JAZF1: variants seen among roughly 807,000 people sequenced by gnomAD.
JAZF1 encodes the protein juxtaposed with another zinc finger protein 1.
Under a neutral mutation model 26.4 loss-of-function variants are expected in JAZF1, and 8 were observed. That is an observed-to-expected ratio of 0.30 (90% CI 0.18 to 0.55). The LOEUF (loss-of-function observed/expected upper bound fraction) is 0.55. Among genes scored for constraint, JAZF1 ranks in the 20% least tolerant of loss-of-function variants. The pLI is 0.94. For synonymous variants in JAZF1, 126 were observed against 122.3 expected, an observed-to-expected ratio of 1.03 and a Z score of -0.20; for missense variants, 199 against 322.0, an observed-to-expected ratio of 0.62 and a Z score of 2.92.
At chr7:27,856,642 G>A (rs1325184501) in intron 3 of JAZF1, among the ~76,000 whole-genome samples, 1 of 152,180 alleles carries the variant, frequency 6.6e-6, no homozygotes, top group Non-Finnish European at 1.5e-5. Context: ...AGTTCTCCAT[G>A]TCCCCACCAG....
At chr7:27,948,797 T>C (rs1784960153) in intron 2 of JAZF1, among the ~76,000 whole-genome samples, 1 of 152,212 alleles carries the variant, frequency 6.6e-6, no homozygotes, top group Admixed American at 6.5e-5. Context: ...GGATGTAAAA[T>C]ACCATACTTG....
At chr7:28,116,599 C>T (rs992352902) in intron 1 of JAZF1, among the ~76,000 whole-genome samples, 6 of 148,672 alleles carry the variant, frequency 4.0e-5, no homozygotes, top group South Asian at 2.2e-4. Context: ...CGTGCCACTA[C>T]GCCCGGCTAA....
intron 3 of JAZF1, among the ~76,000 whole-genome samples, chr7:27,886,570 T>C (rs892113196): frequency 2.6e-5 from 4 of 152,226 alleles, no homozygotes; most frequent in East Asian, 1.9e-4. Context: ...TTTAATTGCA[T>C]TGAAACAGCG....
rs575757468 is a variant in JAZF1, at chr7:27,901,771, T to C, written c.189-6355A>G. On this transcript the variant is annotated intron_variant, in intron 2 of 4. Coordinates refer to ENST00000283928, the MANE Select transcript of JAZF1 (RefSeq NM_175061.4). ...GGCCTCCGGGAGTCACTGTATTCAC[T>C]TTTGTGGTCCTAGTTTTTCTACCTG... is the stretch of plus-strand genomic sequence containing the variant. Among the ~76,000 whole-genome samples, 105 of 152,284 alleles carry C rather than the reference T, an allele frequency of 6.9e-4. 2 individuals carry two copies. Among genetic ancestry groups the C allele is most frequent in the Admixed American group, 5.2e-3 (79 of 15,296 alleles).
chr7:28,123,350 C>T (rs1782635478), intron 1 of JAZF1, among the ~76,000 whole-genome samples: 1 of 152,208 alleles, frequency 6.6e-6, no homozygotes, highest in South Asian at 2.1e-4. Flanking sequence ...TTCACCCTCA[C>T]AGCAGGCCAT....
At chr7:28,160,355 T>A (rs1198563422) in intron 1 of JAZF1, among the ~76,000 whole-genome samples, 4 of 152,142 alleles carry the variant, frequency 2.6e-5, no homozygotes, top group Non-Finnish European at 5.9e-5. Context: ...TACCACTACC[T>A]AATATGACAT....
chr7:27,932,035 T>C (rs2128350117), intron 2 of JAZF1, among the ~76,000 whole-genome samples: 1 of 152,384 alleles, frequency 6.6e-6, no homozygotes, highest in East Asian at 1.9e-4. Context: ...GGAACTCGTT[T>C]GATAAACTAA....
intron 3 of JAZF1, among the ~76,000 whole-genome samples, chr7:27,874,467 C>T (rs140069752): frequency 4.6e-5 from 7 of 152,166 alleles, no homozygotes; most frequent in Non-Finnish European, 1.0e-4. Context: ...CAGGAAGTGC[C>T]ATAAATCTCT....
intron 3 of JAZF1, among the ~76,000 whole-genome samples, chr7:27,893,948 T>G (rs1225524907): frequency 6.6e-6 from 1 of 152,196 alleles, no homozygotes; most frequent in Non-Finnish European, 1.5e-5. Context: ...ATAAATTGAA[T>G]TCTGGGAAGA....
At chr7:27,890,784 CTTTTTTT>C (rs70977008) in intron 3 of JAZF1, among the ~76,000 whole-genome samples, 11 of 92,004 alleles carry the variant, frequency 1.2e-4, no homozygotes, top group African/African-American at 4.8e-4. Context: ...GATGTTACTA[CTTTTTTT>C]TTTTTTTTTT....
At chr7:28,088,607 A>T (rs1315930313) in intron 1 of JAZF1, among the ~76,000 whole-genome samples, 2 of 152,166 alleles carry the variant, frequency 1.3e-5, no homozygotes, top group African/African-American at 4.8e-5. Context: ...TTGTTTAAGG[A>T]GTGTCTCCTT....
intron 1 of JAZF1, among the ~76,000 whole-genome samples, chr7:27,997,983 C>G (rs1786051308): frequency 7.3e-6 from 1 of 136,238 alleles, no homozygotes; most frequent in African/African-American, 2.8e-5. Context: ...ATGGGGAGGG[C>G]AGGACAGAAA....
chr7:27,983,963 A>C lies in JAZF1; in HGVS notation c.188+7946T>G, dbSNP rs531337125. Among the ~76,000 whole-genome samples, 153 of 152,292 alleles carry C rather than the reference A, an allele frequency of 1.0e-3. 1 individual carries two copies. The highest frequency in any genetic ancestry group is 3.3e-3 in the African/African-American group (139 of 41,520). ...CTCCTGAAGGAAGCACTAAACATGG[A>C]AAGGAACAACCAGTACCAGCCACTG... On this transcript the variant is annotated intron_variant, in intron 2 of 4. Transcript: ENST00000283928.
chr7:28,064,906 C>G (rs549487789), intron 1 of JAZF1, among the ~76,000 whole-genome samples: 28 of 152,076 alleles, frequency 1.8e-4, no homozygotes, highest in African/African-American at 6.5e-4. Flanking sequence ...TAGGGTTATT[C>G]ATTATATAAC....
At chr7:27,996,438 G>A (rs1786018292) in intron 1 of JAZF1, among the ~76,000 whole-genome samples, 1 of 152,168 alleles carries the variant, frequency 6.6e-6, no homozygotes, top group Non-Finnish European at 1.5e-5. Flanking sequence ...GGATGTGGGT[G>A]GGAAGGTAGT....
Position 27,966,698 on chromosome 7 carries a change from G to A in JAZF1, c.188+25211C>T, listed in dbSNP as rs182008009. Among the ~76,000 whole-genome samples the A allele has an allele frequency of 1.8e-4, 28 of 152,248 alleles. 1 individual carries two copies. In the East Asian group the frequency reaches 3.5e-3, roughly 19 times the overall value. On this transcript the variant is annotated intron_variant, in intron 2 of 4. Transcript: ENST00000283928. ...CAAATTTCTCTGGTGGAAAAGGCAG[G>A]TTTTCTTTTTCATGCTTTTATATTA...
At chr7:28,052,574 G>A (rs1783633549) in intron 1 of JAZF1, among the ~76,000 whole-genome samples, 1 of 152,162 alleles carries the variant, frequency 6.6e-6, no homozygotes, top group Non-Finnish European at 1.5e-5. Context: ...AACAGGAATT[G>A]CAGAAGTATT....
chr7:27,889,460 T>G (rs1389046087), intron 3 of JAZF1, among the ~76,000 whole-genome samples: 1 of 152,220 alleles, frequency 6.6e-6, no homozygotes, highest in Non-Finnish European at 1.5e-5. Context: ...CATTCAACTC[T>G]TTTTAGGGCC....
chr7:27,861,312 AT>A (rs919242491), intron 3 of JAZF1, among the ~76,000 whole-genome samples: 4 of 150,440 alleles, frequency 2.7e-5, no homozygotes, highest in Non-Finnish European at 3.0e-5. Flanking sequence ...TTTGAAAAAA[AT>A]TTTTTTTTTA....
Sources: allele counts gnomAD v4.1 joint callset (sites outside exome capture counted in the v4.1 genomes callset), GRCh38; gene constraint gnomAD v4.1.1; transcripts MANE v1.5; gene names NCBI Gene and HGNC (gene_info 2026-07-23, HGNC 2026-07-21).